CDH1: variants seen among roughly 807,000 people sequenced by gnomAD.
CDH1 encodes cadherin-1.
A neutral mutation model predicts 84.5 loss-of-function variants in CDH1; 35 were observed. The ratio of observed to expected loss-of-function variants is 0.41; its 90% CI spans 0.32 to 0.55. The LOEUF (loss-of-function observed/expected upper bound fraction) is 0.55, where lower values mean the gene tolerates loss of function less well. CDH1 is among the 20% of genes least tolerant of loss of function. The probability of loss-of-function intolerance (pLI) is 0.19; values close to 1 mark genes in which losing one functional copy is unlikely to be tolerated. For missense variants in CDH1, 994 were observed against 1,126.6 expected, an observed-to-expected ratio of 0.88 and a Z score of 1.68; for synonymous variants, 417 against 439.0, an observed-to-expected ratio of 0.95 and a Z score of 0.63.
At position 68,815,720 on chromosome 16, in the gene CDH1, C is replaced by T. The variant is rs771551231; in HGVS notation, c.1526C>T (p.Thr509Ile). 4 of 1,614,224 alleles carry T rather than the reference C, an allele frequency of 2.5e-6. No homozygotes were observed. Among genetic ancestry groups the T allele is most frequent in the Non-Finnish European group, 3.4e-6 (4 of 1,180,046 alleles). The change falls in exon 10 of 16, where the codon ACT becomes ATT. Residue 509 changes from threonine to isoleucine, a missense_variant. Transcript: ENST00000261769. ...FGVGQEITSY[T>I]AQEPDTFMEQ... is the part of the protein sequence containing the mutation. ...GTGGGCCAGGAAATCACATCCTACA[C>T]TGCCCAGGAGCCAGACACATTTATG...
intron 2 of CDH1, among the ~76,000 whole-genome samples, chr16:68,783,241 AC>A (rs1324756612): frequency 6.6e-6 from 1 of 151,988 alleles, no homozygotes; most frequent in East Asian, 1.9e-4. Context: ...TACTAAAAAT[AC>A]AAAAATTAGC....
intron 2 of CDH1, among the ~76,000 whole-genome samples, chr16:68,795,685 G>A (rs970654258): frequency 2.0e-5 from 3 of 151,656 alleles, no homozygotes; most frequent in South Asian, 2.1e-4. Context: ...CAGTAGAGAC[G>A]GGGTTTCACC....
In CDH1 at chr16:68,833,575, C is replaced by T; in HGVS notation, c.*76C>T. ...TCACGTTGCTGGTGGTTTTTCAGCTCCCTTCCCTTGAGATGAGTTTCTGGG... is the reference window on the plus strand; with the variant it reads ...TCACGTTGCTGGTGGTTTTTCAGCTTCCTTCCCTTGAGATGAGTTTCTGGG... On this transcript the variant is annotated 3_prime_UTR_variant, in exon 16 of 16. Transcript: ENST00000261769. 1 of 1,177,604 alleles carries T rather than the reference C, an allele frequency of 8.5e-7. No homozygotes were observed. Among genetic ancestry groups the T allele is most frequent in the Non-Finnish European group, 1.3e-6 (1 of 785,984 alleles). The allele number at this position is 1,177,604 out of a possible 1,614,324, so 72.9% of individuals were successfully genotyped here.
chr16:68,749,551 C>G (rs1455810198), intron 2 of CDH1, among the ~76,000 whole-genome samples: 1 of 152,214 alleles, frequency 6.6e-6, no homozygotes, highest in African/African-American at 2.4e-5. Flanking sequence ...TGAAAGACAA[C>G]TATTTGTGTC....
At chr16:68,794,241 A>G (rs1960293119) in intron 2 of CDH1, among the ~76,000 whole-genome samples, 1 of 151,942 alleles carries the variant, frequency 6.6e-6, no homozygotes, top group Non-Finnish European at 1.5e-5. Flanking sequence ...CGGTCTTGCT[A>G]TATTGCCTAG....
chr16:68,738,446 A>T, intron 2 of CDH1, 35 bp downstream of exon 2: 1 of 1,455,582 alleles, frequency 6.9e-7, no homozygotes, highest in Non-Finnish European at 9.4e-7. Context: ...TGGGCGGAGT[A>T]GGGAGGGGTT....
chr16:68,774,038 C>G (rs894710104), intron 2 of CDH1, among the ~76,000 whole-genome samples: 1 of 152,188 alleles, frequency 6.6e-6, no homozygotes, highest in Non-Finnish European at 1.5e-5. Context: ...ACCTCAGCCT[C>G]CCAAGTAGCT....
At chr16:68,822,866 G>C (rs1275542086) in intron 12 of CDH1, 1 of 220,716 alleles carries the variant, frequency 4.5e-6, no homozygotes, top group Non-Finnish European at 9.0e-6. Context: ...TAAAACCCTG[G>C]GTGCGATGGA....
chr16:68,818,849 CA>C (rs758115524), intron 10 of CDH1, among the ~76,000 whole-genome samples: 3,952 of 72,496 alleles, frequency 0.055, 69 homozygotes, highest in South Asian at 0.13. Context: ...GACTCCGTCT[CA>C]AAAAAAAAAA....
chr16:68,823,992 C>CTTTTTTTTTTTTTT (rs889358029), intron 13 of CDH1, among the ~76,000 whole-genome samples: 3 of 99,918 alleles, frequency 3.0e-5, no homozygotes, highest in African/African-American at 4.2e-5. Flanking sequence ...TTCTGCATTT[C>CTTTTTTTTTTTTTT]TTTTTTTTTT....
Position 68,815,427 on chromosome 16 carries a change from C to A in CDH1, c.1321-88C>A, listed in dbSNP as rs33934457. The A allele has an allele frequency of 1.9e-6, 3 of 1,551,308 alleles. No homozygotes were observed. In the African/African-American group the frequency reaches 4.1e-5, roughly 21 times the overall value. On this transcript the variant is annotated intron_variant, in intron 9 of 15. Coordinates refer to ENST00000261769, the MANE Select transcript of CDH1 (RefSeq NM_004360.5). ...ACTTTTGCACCAACCTAATATATTACCAAAAGCAACAGTTAAGGATTTAAT... is the reference window on the plus strand; with the variant it reads ...ACTTTTGCACCAACCTAATATATTAACAAAAGCAACAGTTAAGGATTTAAT...
At position 68,737,394 on chromosome 16, in the gene CDH1, C is replaced by G. The variant is rs730881659; in HGVS notation, c.-22C>G. ...CCCGACCGCACCCGGCGCCTGCCCT[C>G]GCTCGGCGTCCCCGGCCAGCCATGG... On this transcript the variant is annotated 5_prime_UTR_variant, in exon 1 of 16. Transcript: ENST00000261769. The G allele has an allele frequency of 6.5e-7, 1 of 1,530,048 alleles. No homozygotes were observed. Among genetic ancestry groups the G allele is most frequent in the Non-Finnish European group, 8.7e-7 (1 of 1,144,504 alleles). 94.8% of individuals were successfully genotyped at this position (1,530,048 alleles called of 1,614,324 possible). A position where few individuals can be genotyped will look rare whatever the true frequency, so the allele number is the denominator to read the frequency against.
intron 10 of CDH1, 21 bp from the exon 11 acceptor site, chr16:68,819,259 C>A (rs1157530568): frequency 1.9e-6 from 3 of 1,614,026 alleles, no homozygotes; most frequent in African/African-American, 2.7e-5. Context: ...ATTCTAAAAG[C>A]CAGAGCTTGT....
chr16:68,784,745 A>G (rs752473322), intron 2 of CDH1, among the ~76,000 whole-genome samples: 3 of 151,752 alleles, frequency 2.0e-5, no homozygotes, highest in Non-Finnish European at 4.4e-5. Flanking sequence ...GTGAGAACAT[A>G]CAATATTTGG....
Position 68,754,405 on chromosome 16 carries a change from C to CTT in CDH1, c.163+15995_163+15996insTT, listed in dbSNP as rs1194532019. 3.3e-5 allele frequency among the ~76,000 whole-genome samples: 5 copies of CTT among 152,282 alleles called. No homozygotes were observed. In the East Asian group the frequency reaches 9.6e-4, roughly 29 times the overall value. The stretch of plus-strand genomic sequence containing the variant: ...CCAGCCTGGGCGACAGAGTGAGACA[C>CTT]TGTCTCAAGAAAAAAGAAAAGTATT... On this transcript the variant is annotated intron_variant, in intron 2 of 15. Coordinates refer to ENST00000261769, the MANE Select transcript of CDH1 (RefSeq NM_004360.5).
chr16:68,752,746 G>T (rs1289273204), intron 2 of CDH1, among the ~76,000 whole-genome samples: 1 of 152,086 alleles, frequency 6.6e-6, no homozygotes, highest in African/African-American at 2.4e-5. Context: ...TCACAAAACA[G>T]CTTGCAGTCT....
chr16:68,803,851 A>G (rs979361229), intron 3 of CDH1, among the ~76,000 whole-genome samples: 3 of 152,024 alleles, frequency 2.0e-5, no homozygotes, highest in Non-Finnish European at 4.4e-5. Flanking sequence ...TCCTCAAGTT[A>G]AGGAAGCCCT....
At position 68,738,278 on chromosome 16, in the gene CDH1, T is replaced by C. The variant is rs1555509751; in HGVS notation, c.49-19T>C. The C allele has an allele frequency of 2.0e-6, 3 of 1,497,268 alleles. No individual in the cohort carries two copies. The highest frequency in any genetic ancestry group is 2.7e-6 in the Non-Finnish European group (3 of 1,097,508). The allele number at this position is 1,497,268 out of a possible 1,614,324, so 92.7% of individuals were successfully genotyped here. On this transcript the variant is annotated intron_variant, in intron 1 of 15. Transcript: ENST00000261769. ...ACCCTCCGAGTCACCCGGTTCCATC[T>C]ACCTTTCCCCCACCCCAGGTCTCCT...
chr16:68,825,229 T>C (rs1280089035), intron 13 of CDH1, among the ~76,000 whole-genome samples: 1 of 152,050 alleles, frequency 6.6e-6, no homozygotes, highest in Non-Finnish European at 1.5e-5. Context: ...GTTAATTGAG[T>C]CTCAAGGACA....
Sources: allele counts gnomAD v4.1 joint callset (sites outside exome capture counted in the v4.1 genomes callset), GRCh38; gene constraint gnomAD v4.1.1; transcripts MANE v1.5; gene names NCBI Gene and HGNC (gene_info 2026-07-23, HGNC 2026-07-21).